ASPM: variants seen among roughly 807,000 people sequenced by gnomAD.
ASPM encodes abnormal spindle-like microcephaly-associated protein.
Under a neutral mutation model 366.4 loss-of-function variants are expected in ASPM, and 256 were observed. The ratio of observed to expected loss-of-function variants is 0.70; its 90% CI spans 0.63 to 0.77. ASPM has a LOEUF of 0.77. ASPM is among the 30% of genes least tolerant of loss of function. The pLI, the probability that ASPM is intolerant of heterozygous loss-of-function variation, is 0.00. For synonymous variants in ASPM, 1,414 were observed against 1,342.9 expected (o/e 1.05, Z -1.16); for missense variants, 4,146 against 4,090.4 (o/e 1.01, Z -0.37).
intron 6 of ASPM, among the ~76,000 whole-genome samples, chr1:197,133,128 C>G (rs1658314102): frequency 6.6e-6 from 1 of 152,052 alleles, no homozygotes; most frequent in South Asian, 2.1e-4. Flanking sequence ...ATGTTTTCAC[C>G]ACACATACAC....
intron 2 of ASPM, 44 bp from the exon 3 acceptor site, chr1:197,143,854 G>A (rs1334054088): frequency 1.9e-6 from 3 of 1,579,946 alleles, no homozygotes; most frequent in Non-Finnish European, 2.6e-6. Context: ...TGTAGCTATT[G>A]AATATTAAAT....
intron 9 of ASPM, 105 bp from the exon 10 acceptor site, chr1:197,128,770 T>C: frequency 1.1e-6 from 1 of 878,212 alleles, no homozygotes; most frequent in Non-Finnish European, 1.7e-6. Flanking sequence ...TAAAATAATA[T>C]AAAAAGTTTC....
At chr1:197,124,837 T>C (rs1018629524) in intron 12 of ASPM, 33 bp downstream of exon 12, 2 of 1,492,626 alleles carry the variant, frequency 1.3e-6, no homozygotes, top group Non-Finnish European at 1.9e-6. Context: ...TCAAAATTGA[T>C]AAAAAATACA....
intron 22 of ASPM, 41 bp from the exon 23 acceptor site, chr1:197,091,082 G>A: frequency 6.8e-7 from 1 of 1,476,022 alleles, no homozygotes; most frequent in Non-Finnish European, 9.4e-7. Flanking sequence ...TTCTACTTCA[G>A]GTTTTTTTAA....
In ASPM at chr1:197,091,990, C is replaced by T; in HGVS notation, c.9361G>A (p.Ala3121Thr). 2 of 1,611,806 alleles carry T rather than the reference C, an allele frequency of 1.2e-6. No homozygotes were observed. The highest frequency in any genetic ancestry group is 1.7e-6 in the Non-Finnish European group (2 of 1,178,654). Residue 3121 changes from alanine (A) to threonine (T), a missense_variant, in exon 22 of 28, where the codon GCT (alanine) becomes ACT (threonine). By Grantham distance (58) the Ala-to-Thr change is moderately conservative (BLOSUM62 0). Transcript: ENST00000367409. ...TTATAGGCTCTTTGAATTCTAACAGCATTCAGGTGATAATATGCAGCTGCA... is the reference window on the plus strand; with the variant it reads ...TTATAGGCTCTTTGAATTCTAACAGTATTCAGGTGATAATATGCAGCTGCA... ...FTAAAYYHLN[A>T]VRIQRAYKLY...
intron 22 of ASPM, 129 bp downstream of exon 22, chr1:197,091,778 C>T (rs936896761): frequency 3.7e-5 from 34 of 917,606 alleles, no homozygotes; most frequent in Admixed American, 9.6e-5. Context: ...ATCATTGTAA[C>T]AGCTATAAGG....
chr1:197,088,317 C>T lies in ASPM; in HGVS notation c.10100G>A (p.Ser3367Asn), dbSNP rs587783208. The change falls in exon 26 of 28, where the codon AGC (serine) becomes AAC (asparagine). Residue 3367 changes from serine (S) to asparagine (N), a missense_variant. By Grantham distance (46) the Ser-to-Asn change is conservative. Around this residue, in one of 3 missense-constraint regions of ASPM, gnomAD observed 3,624 missense variants for 3,591.7 expected, o/e 1.01. Coordinates refer to ENST00000367409, the MANE Select transcript of ASPM (RefSeq NM_018136.5). ...PGNKVADKGG[S>N]IFTKTCCLLA... The stretch of plus-strand genomic sequence containing the variant: ...CAAACAACAAGTTTTTGTAAAAATG[C>T]TTCCGCCTTTGTCTGCAACTTTATT... 1.2e-6 allele frequency: 2 copies of T among 1,613,502 alleles called. No homozygotes were observed. The highest frequency in any genetic ancestry group is 1.7e-6 in the Non-Finnish European group (2 of 1,179,730).
At position 197,142,774 on chromosome 1, in the gene ASPM, A is replaced by G; in HGVS notation, c.1478T>C (p.Leu493Pro). Residue 493 changes from leucine to proline, a missense_variant, in exon 3 of 28, where the codon CTT (leucine) becomes CCT (proline). This residue lies in a region of ASPM where 3,624 missense variants were observed against 3,591.7 expected (regional missense o/e 1.01). Coordinates refer to ENST00000367409, the MANE Select transcript of ASPM (RefSeq NM_018136.5). Reference sequence around the variant, plus strand: ...CTTCCTTTTAGTAACAGTGGCAGAAAGTATTGGACGTCTCTTAGGTTGTTT... The same window carrying G: ...CTTCCTTTTAGTAACAGTGGCAGAAGGTATTGGACGTCTCTTAGGTTGTTT... Reference protein sequence around the residue: ...HNKQPKRRPILSATVTKRKAT... With the variant: ...HNKQPKRRPIPSATVTKRKAT... 1 of 1,613,752 alleles carries G rather than the reference A, an allele frequency of 6.2e-7. No individual in the cohort carries two copies. The highest frequency in any genetic ancestry group is 8.5e-7 in the Non-Finnish European group (1 of 1,179,646).
In ASPM at chr1:197,100,986, TCTAA is replaced by T. The variant is rs762516973; in HGVS notation, c.8261_8264del (p.Val2754AspfsTer4). On this transcript the variant is annotated frameshift_variant, in exon 18 of 28. Transcript: ENST00000367409. LOFTEE classifies it high-confidence loss of function. ...CCTCTGATACATTTTTCAATTTTTGTCTAACTTTCATGCCTCTAAAAGCAGCCTG... is the reference window on the plus strand; with the variant it reads ...CCTCTGATACATTTTTCAATTTTTGTCTTTCATGCCTCTAAAAGCAGCCTG... The T allele has an allele frequency of 3.1e-6, 5 of 1,612,456 alleles. No homozygotes were observed. Among genetic ancestry groups the T allele is most frequent in the Non-Finnish European group, 2.5e-6 (3 of 1,179,154 alleles).
chr1:197,126,721 G>T (rs996909857), intron 10 of ASPM, among the ~76,000 whole-genome samples: 1 of 152,142 alleles, frequency 6.6e-6, no homozygotes, highest in Non-Finnish European at 1.5e-5. Flanking sequence ...TGAGAATACT[G>T]ATCAGAAAGA....
intron 17 of ASPM, 105 bp from the exon 18 acceptor site, chr1:197,105,290 A>C: frequency 1.1e-6 from 1 of 883,898 alleles, no homozygotes; most frequent in Non-Finnish European, 1.7e-6. Flanking sequence ...AAATAAACAC[A>C]TTGAATTAGA....
At position 197,121,984 on chromosome 1, in the gene ASPM, T is replaced by C; in HGVS notation, c.3801A>G (p.Ile1267Met). Residue 1267 changes from isoleucine to methionine, a missense_variant, in exon 16 of 28, where the codon ATA becomes ATG. Physicochemically the swap from Ile to Met is conservative, Grantham distance 10 (BLOSUM62 1). This residue lies in a region of ASPM where 3,624 missense variants were observed against 3,591.7 expected (regional missense o/e 1.01). Coordinates refer to ENST00000367409, the MANE Select transcript of ASPM (RefSeq NM_018136.5). ...TTGTTTGTATGAGTCGAGCAGCTCT[T>C]ATTTCTTTACGAAGATCCAAAAGCC... is the stretch of plus-strand genomic sequence containing the variant. ...CARLLDLRKE[I>M]RAARLIQTTW... 6.2e-7 allele frequency: 1 copy of C among 1,611,876 alleles called. No homozygotes were observed. The highest frequency in any genetic ancestry group is 8.5e-7 in the Non-Finnish European group (1 of 1,178,254).
At position 197,103,498 on chromosome 1, in the gene ASPM, C is replaced by G. The variant is rs1297370466; in HGVS notation, c.5753G>C (p.Arg1918Thr). The G allele has an allele frequency of 6.2e-7, 1 of 1,613,180 alleles. No individual in the cohort carries two copies. Residue 1918 changes from arginine to threonine, a missense_variant, in exon 18 of 28, where the codon AGA becomes ACA. Physicochemically the swap from Arg to Thr is moderately conservative, Grantham distance 71. Transcript: ENST00000367409. ...GACTAATGCTGCTGTTTTAAACAAT[C>G]TAAACTGTTTCTGGGCCTTGGCCAT... ...FRMAKAQKQF[R>T]LFKTAALVIQ...
intron 27 of ASPM, 77 bp from the exon 28 acceptor site, chr1:197,084,503 C>G: frequency 1.0e-6 from 1 of 981,488 alleles, no homozygotes; most frequent in Non-Finnish European, 1.6e-6. Context: ...TTTCTCTTAA[C>G]TAAATTGTAG....
intron 7 of ASPM, among the ~76,000 whole-genome samples, chr1:197,130,784 A>G (rs1235681967): frequency 6.6e-6 from 1 of 152,174 alleles, no homozygotes; most frequent in Non-Finnish European, 1.5e-5. Flanking sequence ...AAAAGATTAT[A>G]CATCCCCACC....
chr1:197,084,459 T>C lies in ASPM; in HGVS notation c.10332-33A>G, dbSNP rs748101483. On this transcript the variant is annotated intron_variant, in intron 27 of 27. Coordinates refer to ENST00000367409, the MANE Select transcript of ASPM (RefSeq NM_018136.5). ...AAAAAAAAAAAAAGTCTGGCATTAA[T>C]AAAGTTCTTCTCTTTAGAGTTACCT... 5 of 1,443,800 alleles carry C rather than the reference T, an allele frequency of 3.5e-6. No homozygotes were observed. The Admixed American group carries it at 8.5e-5, about 24-fold the overall frequency. The allele number at this position is 1,443,800 out of a possible 1,614,324, so 89.4% of individuals were successfully genotyped here.
chr1:197,132,458 A>G, intron 6 of ASPM, 106 bp from the exon 7 acceptor site: 1 of 842,678 alleles, frequency 1.2e-6, no homozygotes, highest in East Asian at 2.7e-5. Flanking sequence ...ACTTGCTTAT[A>G]TGAAATAAGT....
chr1:197,144,107 T>G lies in ASPM; in HGVS notation c.298-7A>C. On this transcript the variant is annotated splice_region_variant and splice_polypyrimidine_tract_variant and intron_variant, in intron 1 of 27. Transcript: ENST00000367409. ...TAACAATTTTCTCTTTAGGCTATAA[T>G]CAAAACAATACATTATATAATTACA... 6.3e-7 allele frequency: 1 copy of G among 1,574,802 alleles called. No homozygotes were observed. The highest frequency in any genetic ancestry group is 8.7e-7 in the Non-Finnish European group (1 of 1,144,906).
intron 16 of ASPM, 77 bp from the exon 17 acceptor site, chr1:197,118,060 T>C: frequency 7.5e-7 from 1 of 1,327,622 alleles, no homozygotes; most frequent in Non-Finnish European, 1.1e-6. Flanking sequence ...GATAACCATA[T>C]GTTAAACACC....
Sources: gnomAD v4.1 joint callset for allele counts (sites outside exome capture counted in the v4.1 genomes callset) on GRCh38, gnomAD v4.1.1 for gene constraint, gnomAD v4.1.1 regional missense constraint, MANE v1.5 for transcripts, NCBI Gene and HGNC (gene_info 2026-07-23, HGNC 2026-07-21) for gene names.